The following SSUH2 variants were observed in gnomAD, a reference collection of about 807,000 sequenced individuals.
SSUH2 encodes protein SSUH2 homolog.
In SSUH2, 47 loss-of-function variants were observed where a neutral mutation model predicts 55.3. That is an observed-to-expected ratio of 0.85 (90% confidence interval 0.67 to 1.08). The LOEUF (loss-of-function observed/expected upper bound fraction) is 1.08. Ranked by LOEUF, SSUH2 falls within the 50% of genes least tolerant of loss-of-function variation. The pLI, the probability that SSUH2 is intolerant of heterozygous loss-of-function variation, is 0.00. For synonymous variants in SSUH2, 212 were observed against 191.5 expected (o/e 1.11, Z -0.89); for missense variants, 535 against 490.7 (o/e 1.09, Z -0.85).
intron 7 of SSUH2, 199 bp downstream of exon 7, chr3:8,629,465 G>T (rs1698300463): frequency 3.4e-6 from 2 of 584,008 alleles, no homozygotes; most frequent in African/African-American, 1.9e-5. Context: ...CTGTCAAAGT[G>T]AAAGTGTCAT....
At position 8,627,588 on chromosome 3, in the gene SSUH2, G is replaced by A. The variant is rs1259920085; in HGVS notation, c.674+110C>T. The stretch of plus-strand genomic sequence containing the variant: ...CACCTACTACGTGCAGAGCTCTGGG[G>A]ACACAGCAGTGACGAGACAGATGGG... On this transcript the variant is annotated intron_variant, in intron 8 of 11. Coordinates refer to ENST00000544814, the MANE Select transcript of SSUH2 (RefSeq NM_001256748.3). 4 of 859,794 alleles carry A rather than the reference G, an allele frequency of 4.7e-6. No individual in the cohort carries two copies. The African/African-American group carries it at 5.2e-5, about 11-fold the overall frequency. 53.3% of individuals were successfully genotyped at this position (859,794 alleles called of 1,614,324 possible).
intron 11 of SSUH2, among the ~76,000 whole-genome samples, chr3:8,622,935 T>C (rs1251636610): frequency 6.6e-6 from 1 of 152,196 alleles, no homozygotes; most frequent in Non-Finnish European, 1.5e-5. Flanking sequence ...CAGCCCAGTC[T>C]GCAAGGTTCC....
chr3:8,635,164 GA>G (rs1426520499), intron 3 of SSUH2, 135 bp downstream of exon 3: 1 of 661,958 alleles, frequency 1.5e-6, no homozygotes, highest in African/African-American at 1.8e-5. Context: ...CCCATCCCTG[GA>G]GGATCTGGTG....
upstream of SSUH2, among the ~76,000 whole-genome samples, chr3:8,648,156 C>T (rs1411113223): frequency 6.6e-6 from 1 of 152,154 alleles, no homozygotes; most frequent in East Asian, 1.9e-4. Flanking sequence ...CACAACAACT[C>T]CGTAAGATAG....
intron 1 of SSUH2, chr3:8,639,928 T>C: frequency 1.0e-6 from 1 of 980,374 alleles, no homozygotes; most frequent in Non-Finnish European, 1.2e-6. Context: ...ACGTAAGTGT[T>C]AGGGGAACAG....
intron 7 of SSUH2, among the ~76,000 whole-genome samples, chr3:8,651,039 G>T (rs571543927): frequency 1.6e-4 from 24 of 152,346 alleles, no homozygotes; most frequent in Non-Finnish European, 3.1e-4. Context: ...GCAATTGCAC[G>T]CATTTTGCAC....
chr3:8,629,633 C>CTGACACACCAGTGGTTCACAGA, intron 7 of SSUH2, 31 bp downstream of exon 7: 3 of 1,587,722 alleles, frequency 1.9e-6, no homozygotes, highest in Non-Finnish European at 2.6e-6. Context: ...CACACCCTCA[C>CTGACACACCAGTGGTTCACAGA]TGACTCACCA....
chr3:8,657,214 GCT>G (rs897100651), intron 7 of SSUH2, among the ~76,000 whole-genome samples: 2 of 152,078 alleles, frequency 1.3e-5, no homozygotes, highest in African/African-American at 4.8e-5. Context: ...TCCTTTCTTA[GCT>G]CTCTTTCCTG....
At position 8,644,736 on chromosome 3, in the gene SSUH2, T is replaced by C. The variant is rs756558185; in HGVS notation, c.23A>G (p.Asp8Gly). The C allele has an allele frequency of 7.8e-6, 12 of 1,535,982 alleles. No individual in the cohort carries two copies. The African/African-American group carries it at 8.2e-5, about 11-fold the overall frequency. Residue 8 changes from aspartate (D) to glycine (G), a missense_variant, in exon 1 of 12, where the codon GAT becomes GGT. Asp to Gly is a moderately conservative substitution (Grantham distance 94). Transcript: ENST00000544814. MDRDLNE[D>G]DSVVDLSFEA... ...ATCTTTGAGGCTCTACTTACTGTCA[T>C]CTTCATTCAGATCCCTGTCCATGTT... is the stretch of plus-strand genomic sequence containing the variant.
chr3:8,629,484 A>G, intron 7 of SSUH2, 180 bp downstream of exon 7: 1 of 603,866 alleles, frequency 1.7e-6, no homozygotes, highest in South Asian at 2.0e-5. Flanking sequence ...ATTAGAGACC[A>G]CACAACCCCA....
At chr3:8,676,699 CAGGCTGGGTGAACACAGCCTGCGAT>C (rs1705320245) in intron 3 of SSUH2, among the ~76,000 whole-genome samples, 1 of 140,338 alleles carries the variant, frequency 7.1e-6, no homozygotes, top group Non-Finnish European at 1.6e-5. Flanking sequence ...AACAATTTCA[CAGGCTGGGTGAACACAGCCTGCGAT>C]GCTGGAATTA....
intron 1 of SSUH2, among the ~76,000 whole-genome samples, chr3:8,643,536 C>A (rs376452012): frequency 6.6e-6 from 1 of 152,158 alleles, no homozygotes. Context: ...TCCAGGCAGT[C>A]TTTCACTTCA....
intron 7 of SSUH2, among the ~76,000 whole-genome samples, chr3:8,655,521 G>A (rs1702848101): frequency 1.3e-5 from 2 of 151,900 alleles, no homozygotes; most frequent in South Asian, 4.2e-4. Context: ...GGGTCTCAGT[G>A]TGTGGCCTCC....
intron 6 of SSUH2, chr3:8,659,620 G>A (rs942772753): frequency 3.0e-6 from 1 of 335,238 alleles, no homozygotes; most frequent in Non-Finnish European, 5.9e-6. Context: ...GCCGGGGGCT[G>A]CCCGTGCTTC....
chr3:8,676,296 A>G (rs1029757713), intron 3 of SSUH2, among the ~76,000 whole-genome samples: 103 of 152,038 alleles, frequency 6.8e-4, no homozygotes, highest in African/African-American at 9.4e-4. Context: ...CAGTATCACA[A>G]GGGTGTTTCT....
rs116251008 is a variant in SSUH2, at chr3:8,681,166, G to T, written c.-1046+725C>A. ...CCTCTTAGGACTTCCATAGCAGGGG[G>T]GGGAGTCACCCCATGCAAGGCGGGG... On this transcript the variant is annotated intron_variant, in intron 1 of 18. Coordinates refer to the SSUH2 transcript ENST00000317371. 8.0e-3 allele frequency among the ~76,000 whole-genome samples: 1,137 copies of T among 142,278 alleles called. 19 individuals carry two copies. Among genetic ancestry groups the T allele is most frequent in the African/African-American group, 0.027 (1,060 of 39,956 alleles). The allele number at this position is 142,278 out of a possible 152,430, so 93.3% of individuals were successfully genotyped here.
At chr3:8,633,203 G>C (rs1448095730) in intron 4 of SSUH2, among the ~76,000 whole-genome samples, 2 of 149,430 alleles carry the variant, frequency 1.3e-5, no homozygotes, top group African/African-American at 5.0e-5. Flanking sequence ...GAGTGCAATG[G>C]CACCATCTCA....
Position 8,635,774 on chromosome 3 carries a change from G to C in SSUH2, c.112C>G (p.Leu38Val). 3.3e-6 allele frequency: 5 copies of C among 1,535,764 alleles called. No homozygotes were observed. Among genetic ancestry groups the C allele is most frequent in the Non-Finnish European group, 4.4e-6 (5 of 1,146,730 alleles). Reference sequence around the variant, plus strand: ...TGGAACTTACTGCCCCCTTGAAGAAGCCAGTCATAGCTGGGCAGTCTCTCC... The same window carrying C: ...TGGAACTTACTGCCCCCTTGAAGAACCCAGTCATAGCTGGGCAGTCTCTCC... ...LLERLPSYDW[L>V]LQGGRGQIFF... The change falls in exon 2 of 12, where the codon CTT (leucine) becomes GTT (valine). Residue 38 changes from leucine to valine, a missense_variant. Transcript: ENST00000544814.
chr3:8,634,647 T>C, intron 3 of SSUH2: 1 of 1,226,082 alleles, frequency 8.2e-7, no homozygotes. Flanking sequence ...GGGTTCTTCC[T>C]AAGCATGGAA....
Sources: allele counts gnomAD v4.1 joint callset (sites outside exome capture counted in the v4.1 genomes callset), GRCh38; gene constraint gnomAD v4.1.1; transcripts MANE v1.5; gene names NCBI Gene and HGNC (gene_info 2026-07-23, HGNC 2026-07-21).